The following PCDHA8 variants were observed in gnomAD, a reference collection of about 807,000 sequenced individuals.
PCDHA8 encodes protocadherin alpha 8.
In PCDHA8, 53 loss-of-function variants were observed where a neutral mutation model predicts 61.8. The ratio of observed to expected loss-of-function variants is 0.86; its 90% CI spans 0.69 to 1.08. The LOEUF (loss-of-function observed/expected upper bound fraction) is 1.08. PCDHA8 is among the 50% of genes least tolerant of loss of function. The probability of loss-of-function intolerance (pLI) is 0.00; values close to 1 mark genes in which losing one functional copy is unlikely to be tolerated. For synonymous variants in PCDHA8, 618 were observed against 556.6 expected (o/e 1.11, Z -1.55); for missense variants, 1,293 against 1,245.0 (o/e 1.04, Z -0.58).
At chr5:140,960,148 T>C (rs782110022) in intron 1 of PCDHA8, among the ~76,000 whole-genome samples, 16 of 152,198 alleles carry the variant, frequency 1.1e-4, no homozygotes, top group Admixed American at 4.6e-4. Context: ...ATTAATAGCT[T>C]GAGACTGATA....
chr5:140,946,384 G>A (rs2093939169), intron 1 of PCDHA8, among the ~76,000 whole-genome samples: 1 of 151,758 alleles, frequency 6.6e-6, no homozygotes, highest in Non-Finnish European at 1.5e-5. Context: ...CGGTTGGTAG[G>A]AATGTAAATT....
rs2150458780 is a variant in PCDHA8 at position 140,849,941 on chromosome 5, T to C, written c.2394+6226T>C. 24 of 1,597,306 alleles carry C rather than the reference T, an allele frequency of 1.5e-5. 4 individuals are homozygous for C. In the Middle Eastern group the frequency reaches 5.4e-4, roughly 36 times the overall value. On this transcript the variant is annotated intron_variant, in intron 1 of 3. Transcript: ENST00000531613. ...TCTTCACGGTGTCTGCGCGGGACGC[T>C]GACGCGCAGGAGAACGCCCTGGTGT...
chr5:140,860,192 C>CATATATATATATATATATATATAT (rs143984774), intron 1 of PCDHA8: 72 of 146,840 alleles, frequency 4.9e-4, no homozygotes, highest in Middle Eastern at 3.6e-3. Context: ...GCTCTCCTTA[C>CATATATATATATATATATATATAT]ATATATATCT....
At chr5:140,971,376 C>CT (rs1334633165) in intron 1 of PCDHA8, among the ~76,000 whole-genome samples, 1 of 152,164 alleles carries the variant, frequency 6.6e-6, no homozygotes, top group Non-Finnish European at 1.5e-5. Context: ...GAGTGCATGA[C>CT]TTTAATAAAG....
intron 1 of PCDHA8, among the ~76,000 whole-genome samples, chr5:140,924,131 T>C (rs2081690578): frequency 6.6e-6 from 1 of 152,234 alleles, no homozygotes; most frequent in African/African-American, 2.4e-5. Flanking sequence ...CTTAGCAGCA[T>C]TAATTTAAAA....
intron 1 of PCDHA8, among the ~76,000 whole-genome samples, chr5:140,886,827 GAAAAAAAAAA>G (rs782016620): frequency 1.6e-5 from 1 of 60,890 alleles, no homozygotes; most frequent in East Asian, 5.7e-4. Flanking sequence ...ACTTCGTCTT[GAAAAAAAAAA>G]AAAAAAAAAA....
chr5:140,974,577 T>C (rs2096632640), intron 1 of PCDHA8, among the ~76,000 whole-genome samples: 1 of 152,200 alleles, frequency 6.6e-6, no homozygotes, highest in South Asian at 2.1e-4. Flanking sequence ...AATGGCATGA[T>C]CTTGGCTCAC....
chr5:140,900,446 T>G (rs1344652526), intron 1 of PCDHA8, among the ~76,000 whole-genome samples: 1 of 152,154 alleles, frequency 6.6e-6, no homozygotes, highest in Non-Finnish European at 1.5e-5. Flanking sequence ...GCCGGCTAAT[T>G]TTTTATTTTT....
intron 1 of PCDHA8, chr5:140,876,557 A>C: frequency 6.2e-7 from 1 of 1,614,156 alleles, no homozygotes; most frequent in Admixed American, 1.7e-5. Context: ...GTGCAAGAGG[A>C]TGCTCAGGTG....
chr5:140,844,185 T>G (rs1554140558), intron 1 of PCDHA8, among the ~76,000 whole-genome samples: 2 of 149,886 alleles, frequency 1.3e-5, no homozygotes, highest in Non-Finnish European at 3.0e-5. Flanking sequence ...TTTATTCATC[T>G]TATCTGACTT....
At chr5:140,883,834 G>A (rs891069385) in intron 1 of PCDHA8, 1 of 1,612,658 alleles carries the variant, frequency 6.2e-7, no homozygotes, top group Non-Finnish European at 8.5e-7. Context: ...CGCTGCAGCC[G>A]TTGGACCACG....
intron 1 of PCDHA8, among the ~76,000 whole-genome samples, chr5:140,899,276 A>G (rs1402457704): frequency 2.8e-4 from 42 of 152,318 alleles, no homozygotes; most frequent in African/African-American, 9.4e-4. Flanking sequence ...GGCAGTTTTC[A>G]AAGGGAATAC....
At chr5:140,861,557 G>A in intron 1 of PCDHA8, 1 of 398,292 alleles carries the variant, frequency 2.5e-6, no homozygotes, top group Non-Finnish European at 5.2e-6. Context: ...AAGTGATCGT[G>A]GACAAGCTGC....
chr5:140,928,557 C>G lies in PCDHA8; in HGVS notation c.2395-50392C>G, dbSNP rs556688707. 7 of 1,614,238 alleles carry G rather than the reference C, an allele frequency of 4.3e-6. 1 individual carries two copies. The East Asian group carries it at 1.6e-4, about 36-fold the overall frequency. On this transcript the variant is annotated intron_variant, in intron 1 of 3. Coordinates refer to ENST00000531613, the MANE Select transcript of PCDHA8 (RefSeq NM_018911.3). ...ATAGGAATGACAATTATCCGGTTAT[C>G]TTGTTTCCCTTGCCCAGAAATGGTT...
intron 1 of PCDHA8, among the ~76,000 whole-genome samples, chr5:140,940,564 T>C (rs1481591678): frequency 2.0e-5 from 3 of 152,228 alleles, no homozygotes; most frequent in Non-Finnish European, 4.4e-5. Flanking sequence ...TTCTCCTACC[T>C]TGGCTCCCAA....
At position 140,857,030 on chromosome 5, in the gene PCDHA8, C is replaced by T. The variant is rs370499942; in HGVS notation, c.2394+13315C>T. The T allele has an allele frequency of 4.7e-5, 75 of 1,596,300 alleles. 6 individuals carry two copies. Among genetic ancestry groups the T allele is most frequent in the Non-Finnish European group, 6.0e-5 (70 of 1,166,132 alleles). ...AGATGTTACAGATAAGGGAAACCCA[C>T]CTATGGTTGGTCACTGCACGGTCCT... On this transcript the variant is annotated intron_variant, in intron 1 of 3. Transcript: ENST00000531613.
chr5:140,870,200 C>G lies in PCDHA8; in HGVS notation c.2394+26485C>G, dbSNP rs377755323. Reference sequence around the variant, plus strand: ...GTACGAGAGGACGCTCAGCCCAGCACGGTCATTGCCCTGATCAGCGTGTCT... The same window carrying G: ...GTACGAGAGGACGCTCAGCCCAGCAGGGTCATTGCCCTGATCAGCGTGTCT... On this transcript the variant is annotated intron_variant, in intron 1 of 3. Transcript: ENST00000531613. 7 of 1,614,056 alleles carry G rather than the reference C, an allele frequency of 4.3e-6. No homozygotes were observed. The African/African-American group carries it at 9.3e-5, about 22-fold the overall frequency.
At chr5:140,948,018 T>A (rs1308826509) in intron 1 of PCDHA8, among the ~76,000 whole-genome samples, 1 of 151,290 alleles carries the variant, frequency 6.6e-6, no homozygotes, top group Non-Finnish European at 1.5e-5. Context: ...GAAGTACCCT[T>A]TCTGGTTTGC....
At chr5:140,877,002 G>A (rs374546473) in intron 1 of PCDHA8, 96 of 1,612,426 alleles carry the variant, frequency 6.0e-5, no homozygotes, top group Non-Finnish European at 8.0e-5. Flanking sequence ...ACGTGTCGGT[G>A]CACGCGGAGA....
Sources: allele counts gnomAD v4.1 joint callset (sites outside exome capture counted in the v4.1 genomes callset), GRCh38; gene constraint gnomAD v4.1.1; transcripts MANE v1.5; gene names NCBI Gene and HGNC (gene_info 2026-07-23, HGNC 2026-07-21).